PARK7: variants seen among roughly 807,000 people sequenced by gnomAD.
PARK7 encodes Parkinsonism associated deglycase, also known as Parkinson disease protein 7.
Under a neutral mutation model 20.5 loss-of-function variants are expected in PARK7, and 14 were observed. The observed-to-expected ratio is 0.68, with a 90% CI of 0.45 to 1.07. The LOEUF (loss-of-function observed/expected upper bound fraction) is 1.07, where lower values mean the gene tolerates loss of function less well. Among genes scored for constraint, PARK7 ranks in the 50% least tolerant of loss-of-function variants. PARK7 has a pLI of 0.00. For synonymous variants in PARK7, 98 were observed against 84.3 expected (o/e 1.16, Z -0.89); for missense variants, 234 against 238.1 (o/e 0.98, Z 0.11).
chr1:7,969,703 C>G (rs1640417476), intron 4 of PARK7, among the ~76,000 whole-genome samples: 1 of 152,040 alleles, frequency 6.6e-6, no homozygotes, highest in South Asian at 2.1e-4. Flanking sequence ...GCCTCAGCCT[C>G]TGAGTAGCTG....
In PARK7 at chr1:7,969,345, G is replaced by C. The variant is rs1640402009; in HGVS notation, c.193G>C (p.Gly65Arg). Reference sequence around the variant, plus strand: ...TTCTTTATGTTTTAAACTGTTACAGGGACCATATGATGTGGTGGTTCTACC... The same window carrying C: ...TTCTTTATGTTTTAAACTGTTACAGCGACCATATGATGTGGTGGTTCTACC... ...DASLEDAKKE[G>R]PYDVVVLPGG... The change falls in exon 4 of 7, where the codon GGA becomes CGA. Residue 65 changes from glycine to arginine, a missense_variant and splice_region_variant. Physicochemically the swap from Gly to Arg is moderately radical, Grantham distance 125. Coordinates refer to ENST00000338639, the MANE Select transcript of PARK7 (RefSeq NM_007262.5). 6.8e-6 allele frequency: 11 copies of C among 1,610,676 alleles called. No individual in the cohort carries two copies. The highest frequency in any genetic ancestry group is 8.5e-6 in the Non-Finnish European group (10 of 1,177,682).
intron 2 of PARK7, among the ~76,000 whole-genome samples, chr1:7,963,251 A>T (rs967258047): frequency 1.3e-5 from 2 of 152,042 alleles, no homozygotes; most frequent in Admixed American, 1.3e-4. Context: ...TTTTGTAGAG[A>T]CAGGGTTTTG....
At chr1:7,962,662 G>T (rs1465337090) in intron 1 of PARK7, 101 bp from the exon 2 acceptor site, 1 of 714,828 alleles carries the variant, frequency 1.4e-6, no homozygotes, top group Non-Finnish European at 2.4e-6. Flanking sequence ...TCCCTAGGAA[G>T]TACTTACTCT....
chr1:7,975,919 T>A (rs923805298), intron 5 of PARK7, among the ~76,000 whole-genome samples: 10 of 152,244 alleles, frequency 6.6e-5, no homozygotes, highest in African/African-American at 2.4e-4. Context: ...TTTGCTACCA[T>A]ACATAGCTGT....
At chr1:7,983,766 C>G (rs186781846) in intron 6 of PARK7, among the ~76,000 whole-genome samples, 2 of 152,198 alleles carry the variant, frequency 1.3e-5, no homozygotes, top group African/African-American at 4.8e-5. Context: ...TGCAGAGATC[C>G]TTCCCCTTTA....
intron 4 of PARK7, among the ~76,000 whole-genome samples, chr1:7,969,998 C>G (rs577325320): frequency 6.6e-6 from 1 of 152,080 alleles, no homozygotes; most frequent in Non-Finnish European, 1.5e-5. Flanking sequence ...TTGAGACCAG[C>G]CTAAGTAACA....
rs1004816580 is a variant in PARK7 at position 7,984,714 on chromosome 1, C to T, written c.410-180C>T. On this transcript the variant is annotated intron_variant, in intron 6 of 6. Transcript: ENST00000338639. The surrounding 1 kb of genome is among the most constrained non-coding windows in gnomAD (Gnocchi z 4.3). ...GGTTTCTGTCACCCTTTGCTCTGCACAGTTTTAAAAATACCTTTGTAGGGG... is the reference window on the plus strand; with the variant it reads ...GGTTTCTGTCACCCTTTGCTCTGCATAGTTTTAAAAATACCTTTGTAGGGG... 4 of 694,566 alleles carry T rather than the reference C, an allele frequency of 5.8e-6. No individual in the cohort carries two copies. Among genetic ancestry groups the T allele is most frequent in the African/African-American group, 5.4e-5 (3 of 55,966 alleles). 43.0% of individuals were successfully genotyped at this position (694,566 alleles called of 1,614,324 possible).
chr1:7,977,592 G>A (rs1164499860), intron 5 of PARK7, 60 bp from the exon 6 acceptor site: 10 of 1,488,396 alleles, frequency 6.7e-6, no homozygotes, highest in East Asian at 4.5e-5. Flanking sequence ...GCACTATTGC[G>A]ATTTTTTAAA....
intron 4 of PARK7, among the ~76,000 whole-genome samples, chr1:7,970,209 A>G (rs1404051505): frequency 6.6e-6 from 1 of 152,114 alleles, no homozygotes; most frequent in Non-Finnish European, 1.5e-5. Flanking sequence ...GAAAAAAAAA[A>G]TGTTGCCATG....
chr1:7,963,106 C>G (rs1342883273), intron 2 of PARK7, among the ~76,000 whole-genome samples: 1 of 152,122 alleles, frequency 6.6e-6, no homozygotes, highest in Non-Finnish European at 1.5e-5. Context: ...CTCTGTCGTC[C>G]AGGCTGGAGT....
chr1:7,984,895 T>TC lies in PARK7; in HGVS notation c.412dup (p.His138ProfsTer6). On this transcript the variant is annotated frameshift_variant and splice_region_variant, in exon 7 of 7. Transcript: ENST00000338639. LOFTEE classifies it high-confidence loss of function. The surrounding 1 kb of genome is among the most constrained non-coding windows in gnomAD (Gnocchi z 4.3). Reference sequence around the variant, plus strand: ...ACCTTTTCTGTTTCTACTTTGCAGGTCATTACACCTACTCTGAGAATCGTG... The same window carrying TC: ...ACCTTTTCTGTTTCTACTTTGCAGGTCCATTACACCTACTCTGAGAATCGTG... The TC allele has an allele frequency of 4.3e-6, 7 of 1,614,154 alleles. No individual in the cohort carries two copies. Among genetic ancestry groups the TC allele is most frequent in the Non-Finnish European group, 5.9e-6 (7 of 1,180,036 alleles).
At chr1:7,982,832 T>G (rs1262783524) in intron 6 of PARK7, 1 of 152,268 alleles carries the variant, frequency 6.6e-6, no homozygotes, top group African/African-American at 2.4e-5. Context: ...GGAAATTGTT[T>G]ATGTACTCTA....
chr1:7,972,974 C>T (rs926940565), intron 5 of PARK7, among the ~76,000 whole-genome samples: 7 of 152,088 alleles, frequency 4.6e-5, no homozygotes, highest in African/African-American at 7.2e-5. Flanking sequence ...CTATTGAACC[C>T]GGGCGGCGGA....
intron 5 of PARK7, among the ~76,000 whole-genome samples, chr1:7,974,919 A>G (rs1640546188): frequency 6.7e-6 from 1 of 149,076 alleles, no homozygotes; most frequent in Non-Finnish European, 1.5e-5. Flanking sequence ...GCAGTGGTGC[A>G]ATTTCGGCTC....
chr1:7,970,400 A>G (rs1183415383), intron 4 of PARK7, among the ~76,000 whole-genome samples: 2 of 152,230 alleles, frequency 1.3e-5, no homozygotes, highest in African/African-American at 2.4e-5. Context: ...GCCAGCAGGA[A>G]TGGCAAATGC....
intron 6 of PARK7, among the ~76,000 whole-genome samples, chr1:7,981,802 G>GT: frequency 6.6e-6 from 1 of 151,718 alleles, no homozygotes. Flanking sequence ...GGGACTACAG[G>GT]TGCCCGCCAC....
Position 7,984,816 on chromosome 1 carries a change from T to C in PARK7, c.410-78T>C, listed in dbSNP as rs774419125. On this transcript the variant is annotated intron_variant, in intron 6 of 6. Transcript: ENST00000338639. The surrounding 1 kb of genome is among the most constrained non-coding windows in gnomAD (Gnocchi z 4.3). ...GTGTTGGGTTTATATGCTGTAATAG[T>C]GAATTTAATTGGTAAGTAATCGTCT... 6.5e-7 allele frequency: 1 copy of C among 1,547,784 alleles called. No individual in the cohort carries two copies. The highest frequency in any genetic ancestry group is 2.2e-5 in the East Asian group (1 of 44,492).
At chr1:7,966,838 G>A (rs1283706882) in intron 3 of PARK7, among the ~76,000 whole-genome samples, 1 of 152,136 alleles carries the variant, frequency 6.6e-6, no homozygotes, top group African/African-American at 2.4e-5. Context: ...ATATTCATGG[G>A]ATTTGTGATG....
At position 7,969,444 on chromosome 1, in the gene PARK7, G is replaced by A. The variant is rs756391911; in HGVS notation, c.252+40G>A. 67 of 1,073,658 alleles carry A rather than the reference G, an allele frequency of 6.2e-5. 3 individuals are homozygous for A. The South Asian group carries it at 7.6e-4, about 12-fold the overall frequency. 66.5% of individuals were successfully genotyped at this position (1,073,658 alleles called of 1,614,324 possible). Reference sequence around the variant, plus strand: ...TCAATTATACCTCAATAAAGCTGGGGGGGGGGAAAAACTAAAGAATTTCAG... The same window carrying A: ...TCAATTATACCTCAATAAAGCTGGGAGGGGGGAAAAACTAAAGAATTTCAG... On this transcript the variant is annotated intron_variant, in intron 4 of 6. Transcript: ENST00000338639.
Sources: gnomAD v4.1 joint callset for allele counts (sites outside exome capture counted in the v4.1 genomes callset) on GRCh38, gnomAD v4.1.1 for gene constraint, Gnocchi (gnomAD v3.1) non-coding constraint, MANE v1.5 for transcripts, NCBI Gene and HGNC (gene_info 2026-07-23, HGNC 2026-07-21) for gene names.